SLC2A3: variants seen among roughly 807,000 people sequenced by gnomAD.
SLC2A3 encodes solute carrier family 2 member 3.
Under a neutral mutation model 46.4 loss-of-function variants are expected in SLC2A3, and 21 were observed. The ratio of observed to expected loss-of-function variants is 0.45; its 90% CI spans 0.32 to 0.65. SLC2A3 has a LOEUF of 0.65. Ranked by LOEUF, SLC2A3 falls within the 30% of genes least tolerant of loss-of-function variation. The probability of loss-of-function intolerance (pLI) is 0.04; values close to 1 mark genes in which losing one functional copy is unlikely to be tolerated. For missense variants in SLC2A3, 499 were observed against 623.3 expected, an observed-to-expected ratio of 0.80 and a Z score of 2.12; for synonymous variants, 213 against 239.4, an observed-to-expected ratio of 0.89 and a Z score of 1.02.
At chr12:7,923,082 G>C (rs761225225) in intron 8 of SLC2A3, 58 bp from the exon 9 acceptor site, 1 of 1,506,018 alleles carries the variant, frequency 6.6e-7, no homozygotes, top group Non-Finnish European at 8.9e-7. Flanking sequence ...CTAGTATCTA[G>C]GTTCCCAGAA....
intron 1 of SLC2A3, among the ~76,000 whole-genome samples, chr12:7,935,784 C>T (rs1377377104): frequency 6.6e-6 from 1 of 152,104 alleles, no homozygotes; most frequent in African/African-American, 2.4e-5. Flanking sequence ...TAAAATAAAC[C>T]TGAGAAGCAA....
rs750764489 is a variant in SLC2A3, at chr12:7,920,312, G to A, written c.*1101C>T. ...TTATTTTAGGTTTCTTATTTGGATG[G>A]CTCTCCCACGAGATAGGTGGCGGGA... On this transcript the variant is annotated 3_prime_UTR_variant, in exon 10 of 10. Transcript: ENST00000075120. 3.3e-5 allele frequency: 5 copies of A among 151,962 alleles called. No individual in the cohort carries two copies. In the South Asian group the frequency reaches 8.3e-4, roughly 25 times the overall value. 9.4% of individuals were successfully genotyped at this position (151,962 alleles called of 1,614,324 possible). A position where few individuals can be genotyped will look rare whatever the true frequency, so the allele number is the denominator to read the frequency against.
intron 2 of SLC2A3, chr12:7,933,406 A>C (rs1486169280): frequency 7.3e-6 from 4 of 550,696 alleles, no homozygotes; most frequent in Non-Finnish European, 9.6e-6. Context: ...CTTCTTTGTA[A>C]CTAACCCCTA....
chr12:7,925,287 G>A (rs1026185828), intron 7 of SLC2A3: 3 of 152,460 alleles, frequency 2.0e-5, no homozygotes, highest in African/African-American at 7.2e-5. Flanking sequence ...GGATGTCGTG[G>A]GAATCCTGAT....
At position 7,936,012 on chromosome 12, in the gene SLC2A3, A is replaced by G; in HGVS notation, c.15+8T>C. On this transcript the variant is annotated splice_region_variant and intron_variant, in intron 1 of 9. Coordinates refer to ENST00000075120, the MANE Select transcript of SLC2A3 (RefSeq NM_006931.3). ...AGCAAAAATAACCAGTAATTATATC[A>G]TTCTTACCTTCTGTGTCCCCATCGC... 1 of 1,600,836 alleles carries G rather than the reference A, an allele frequency of 6.2e-7. No homozygotes were observed. Among genetic ancestry groups the G allele is most frequent in the South Asian group, 1.1e-5 (1 of 90,810 alleles).
chr12:7,926,994 C>T (rs1007406090), intron 6 of SLC2A3, among the ~76,000 whole-genome samples: 2 of 151,952 alleles, frequency 1.3e-5, no homozygotes, highest in African/African-American at 2.4e-5. Context: ...TCTAGGTTAC[C>T]GAGGTTCACT....
At chr12:7,930,669 T>C (rs1241362850) in intron 4 of SLC2A3, 27 bp from the exon 5 acceptor site, 1 of 1,598,820 alleles carries the variant, frequency 6.3e-7, no homozygotes, top group Non-Finnish European at 8.5e-7. Flanking sequence ...GATAATGCTA[T>C]AAACCCCATA....
chr12:7,933,542 A>C, intron 2 of SLC2A3: 1 of 487,642 alleles, frequency 2.1e-6, no homozygotes, highest in Non-Finnish European at 3.7e-6. Context: ...TTTCCCCACC[A>C]ATATTGTCTC....
intron 3 of SLC2A3, among the ~76,000 whole-genome samples, chr12:7,932,076 T>A (rs1272774928): frequency 6.6e-6 from 1 of 151,838 alleles, no homozygotes; most frequent in African/African-American, 2.4e-5. Flanking sequence ...GGGACAGGGT[T>A]TCACCGTGTT....
intron 6 of SLC2A3, 133 bp from the exon 7 acceptor site, chr12:7,926,081 T>G: frequency 1.4e-6 from 1 of 700,980 alleles, no homozygotes; most frequent in Non-Finnish European, 2.5e-6. Flanking sequence ...CTAATATCCC[T>G]TCTGCAAATG....
intron 6 of SLC2A3, among the ~76,000 whole-genome samples, chr12:7,928,263 T>C (rs1946115221): frequency 6.6e-6 from 1 of 151,900 alleles, no homozygotes; most frequent in African/African-American, 2.4e-5. Flanking sequence ...CCAGGCATGG[T>C]GGCACACGCC....
intron 9 of SLC2A3, among the ~76,000 whole-genome samples, chr12:7,922,237 G>T (rs148955672): frequency 1.3e-5 from 2 of 151,926 alleles, no homozygotes; most frequent in Non-Finnish European, 2.9e-5. Flanking sequence ...CCTAATTTTT[G>T]TATTTATTGT....
chr12:7,924,090 A>G (rs902876635), intron 8 of SLC2A3, among the ~76,000 whole-genome samples: 2 of 152,162 alleles, frequency 1.3e-5, no homozygotes, highest in Non-Finnish European at 2.9e-5. Context: ...TTTCAATCCC[A>G]TCTATATGAT....
In SLC2A3 at chr12:7,921,629, G is replaced by A. The variant is rs763295220; in HGVS notation, c.1275C>T (p.His425=). ...LVGLLFPSAA[H]YLGAYVFIIF... ...TAATAAAAACGTAGGCTCCTAAATA[G>A]TGCTAGAGAAAGGACAGAAAAAAGG... The change falls in exon 10 of 10, where the codon CAC becomes CAT. Residue 425 remains histidine (H), a splice_region_variant and synonymous_variant. Transcript: ENST00000075120. 1.2e-6 allele frequency: 2 copies of A among 1,612,728 alleles called. No homozygotes were observed. The highest frequency in any genetic ancestry group is 1.7e-6 in the Non-Finnish European group (2 of 1,179,440).
At chr12:7,935,323 A>G (rs1946201451) in intron 1 of SLC2A3, among the ~76,000 whole-genome samples, 1 of 152,028 alleles carries the variant, frequency 6.6e-6, no homozygotes, top group Non-Finnish European at 1.5e-5. Flanking sequence ...CCGGTGGTTC[A>G]TGCCTGTAAT....
chr12:7,935,535 A>G (rs1202390675), intron 1 of SLC2A3, among the ~76,000 whole-genome samples: 3 of 152,152 alleles, frequency 2.0e-5, no homozygotes, highest in Admixed American at 6.5e-5. Context: ...CACGATTTTA[A>G]CCCTAATAGG....
chr12:7,933,673 T>A, intron 2 of SLC2A3, 137 bp downstream of exon 2: 1 of 864,838 alleles, frequency 1.2e-6, no homozygotes, highest in East Asian at 2.6e-5. Context: ...AAGTGATCTT[T>A]AAGCCTCAGC....
chr12:7,934,418 C>T lies in SLC2A3; in HGVS notation c.16-516G>A, dbSNP rs183265788. Among the ~76,000 whole-genome samples, 145 of 152,164 alleles carry T rather than the reference C, an allele frequency of 9.5e-4. 1 individual carries two copies. The highest frequency in any genetic ancestry group is 8.5e-4 in the Admixed American group (13 of 15,272). The stretch of plus-strand genomic sequence containing the variant: ...TCTCTTATCTCTCAGGACCATGTAA[C>T]CTACTGGATCTACTCACTGCATCCT... On this transcript the variant is annotated intron_variant, in intron 1 of 9. Transcript: ENST00000075120.
chr12:7,932,196 G>A (rs2121198887), intron 3 of SLC2A3, among the ~76,000 whole-genome samples: 1 of 151,500 alleles, frequency 6.6e-6, no homozygotes, highest in Non-Finnish European at 1.5e-5. Context: ...TTTTGAGACG[G>A]GGTTTTGCTC....
Sources: gnomAD v4.1 joint callset for allele counts (sites outside exome capture counted in the v4.1 genomes callset) on GRCh38, gnomAD v4.1.1 for gene constraint, MANE v1.5 for transcripts, NCBI Gene and HGNC (gene_info 2026-07-23, HGNC 2026-07-21) for gene names.